The following PTCH1 variants were observed in gnomAD, a reference collection of about 807,000 sequenced individuals.
PTCH1 encodes patched 1, also known as protein patched homolog 1.
PTCH1 carries 14 observed loss-of-function variants against 144.6 expected under a neutral mutation model. The ratio of observed to expected loss-of-function variants is 0.10; its 90% CI spans 0.06 to 0.15. The LOEUF is 0.15. Ranked by LOEUF, PTCH1 falls within the 10% of genes least tolerant of loss-of-function variation. The pLI is 1.00. For missense variants in PTCH1, 1,623 were observed against 1,948.3 expected (o/e 0.83, Z 3.14); for synonymous variants, 833 against 793.6 (o/e 1.05, Z -0.83).
rs762290046 is a variant in PTCH1, at chr9:95,470,489, A to G, written c.1729-558T>C. On this transcript the variant is annotated intron_variant, in intron 12 of 23. Coordinates refer to ENST00000331920, the MANE Select transcript of PTCH1 (RefSeq NM_000264.5). ...TGAGAGCAAGAAACATAAAAGGTCA[A>G]GGAGAGTTAAGCAGAAAGAAATTCC... Among the ~76,000 whole-genome samples, 8 of 152,176 alleles carry G rather than the reference A, an allele frequency of 5.3e-5. 1 individual carries two copies. The highest frequency in any genetic ancestry group is 5.2e-4 in the Admixed American group (8 of 15,268).
rs1266520658 is a variant in PTCH1, at chr9:95,508,272, G to A, written c.90C>T (p.Gly30=). 3 of 1,569,020 alleles carry A rather than the reference G, an allele frequency of 1.9e-6. No homozygotes were observed. Among genetic ancestry groups the A allele is most frequent in the Non-Finnish European group, 2.6e-6 (3 of 1,160,864 alleles). ...GCCCCCCCGTCCGTCTGCGCCTCCC[G>A]CCTCCAGCCGGCCGTCCCGGGGCAC... ...CIGAPGRPAG[G]GRRRRTGGLR... Residue 30 remains glycine (G), a synonymous_variant, in exon 1 of 24, where the codon GGC becomes GGT. Coordinates refer to ENST00000331920, the MANE Select transcript of PTCH1 (RefSeq NM_000264.5).
rs943764786 is a variant in PTCH1 at position 95,508,668 on chromosome 9, G to A, written c.-307C>T. ...CGCTGCCCACATCCAGTTCGCGGAA[G>A]AGCGAGAGCCGGCGCGCCGAGCGAG... On this transcript the variant is annotated 5_prime_UTR_variant, in exon 1 of 24. Transcript: ENST00000331920. 76 of 987,686 alleles carry A rather than the reference G, an allele frequency of 7.7e-5. No individual in the cohort carries two copies. In the African/African-American group the frequency reaches 1.0e-3, roughly 14 times the overall value. 61.2% of individuals were successfully genotyped at this position (987,686 alleles called of 1,614,324 possible).
At chr9:95,454,984 T>G (rs1002236060) in intron 19 of PTCH1, among the ~76,000 whole-genome samples, 6 of 152,230 alleles carry the variant, frequency 3.9e-5, no homozygotes, top group Non-Finnish European at 8.8e-5. Flanking sequence ...AAATAACTTA[T>G]GGATTCTTAA....
intron 12 of PTCH1, among the ~76,000 whole-genome samples, chr9:95,471,646 C>T (rs1024735002): frequency 3.9e-5 from 6 of 152,138 alleles, no homozygotes; most frequent in African/African-American, 9.7e-5. Flanking sequence ...TGATGGATGG[C>T]GTCATGAAGG....
chr9:95,457,878 T>C (rs1839079908), intron 18 of PTCH1, 135 bp downstream of exon 18: 12 of 1,235,514 alleles, frequency 9.7e-6, no homozygotes, highest in Non-Finnish European at 1.4e-5. Context: ...CCACCTCGAG[T>C]AGAATAAACA....
intron 16 of PTCH1, 43 bp from the exon 17 acceptor site, chr9:95,459,826 G>C (rs1370800361): frequency 6.2e-7 from 1 of 1,602,522 alleles, no homozygotes; most frequent in Admixed American, 1.7e-5. Flanking sequence ...AATGGGGTTG[G>C]GGGTAAACAC....
Position 95,444,514 on chromosome 9 carries a change from C to T in PTCH1, c.*1879G>A, listed in dbSNP as rs1837721160. ...ACACACACACACGCACGCACGCACACACACACACACACACCCAGCAGCCAC... is the reference window on the plus strand; with the variant it reads ...ACACACACACACGCACGCACGCACATACACACACACACACCCAGCAGCCAC... On this transcript the variant is annotated 3_prime_UTR_variant, in exon 24 of 24. Transcript: ENST00000331920. The T allele has an allele frequency of 6.6e-6, 1 of 152,522 alleles. No individual in the cohort carries two copies. The highest frequency in any genetic ancestry group is 6.6e-5 in the Admixed American group (1 of 15,220). 9.4% of individuals were successfully genotyped at this position (152,522 alleles called of 1,614,324 possible).
chr9:95,481,914 G>T (rs1232204883), intron 5 of PTCH1, 35 bp downstream of exon 5: 1 of 1,529,212 alleles, frequency 6.5e-7, no homozygotes, highest in Admixed American at 1.7e-5. Context: ...TCCTAGAGAA[G>T]TCACAGACAT....
chr9:95,478,909 A>T, intron 8 of PTCH1, 91 bp downstream of exon 8: 1 of 1,579,482 alleles, frequency 6.3e-7, no homozygotes, highest in African/African-American at 1.3e-5. Context: ...TTTTGAAAAT[A>T]AAGCGAATGG....
intron 2 of PTCH1, among the ~76,000 whole-genome samples, chr9:95,496,737 C>T (rs1184632338): frequency 2.0e-5 from 3 of 151,904 alleles, no homozygotes; most frequent in Admixed American, 6.6e-5. Flanking sequence ...TCATTTTTTA[C>T]TTATTACAAC....
chr9:95,506,768 T>C (rs1443378784), intron 1 of PTCH1, 169 bp from the exon 2 acceptor site: 9 of 1,054,616 alleles, frequency 8.5e-6, no homozygotes, highest in Middle Eastern at 3.4e-4. Context: ...CTGAGCGTCA[T>C]GGGGGGCTCG....
chr9:95,512,010 AG>A (rs1844182385), upstream of PTCH1, among the ~76,000 whole-genome samples: 1 of 152,122 alleles, frequency 6.6e-6, no homozygotes, highest in African/African-American at 2.4e-5. Flanking sequence ...CTTTTACTAG[AG>A]GGATTTCAGT....
chr9:95,508,435 C>G lies in PTCH1; in HGVS notation c.-74G>C. On this transcript the variant is annotated 5_prime_UTR_variant, in exon 1 of 24. Coordinates refer to ENST00000331920, the MANE Select transcript of PTCH1 (RefSeq NM_000264.5). ...GCCCGGCGCGCTGCTGCCGCTGCTG[C>G]GGGCTCCTGGCGCGCCTGGGCGCTC... 1.9e-6 allele frequency: 2 copies of G among 1,038,144 alleles called. No homozygotes were observed. Among genetic ancestry groups the G allele is most frequent in the Non-Finnish European group, 2.3e-6 (2 of 865,750 alleles). 64.3% of individuals were successfully genotyped at this position (1,038,144 alleles called of 1,614,324 possible).
rs374349150 is a variant in PTCH1 at position 95,478,237 on chromosome 9, A to G, written c.1216-51T>C. The stretch of plus-strand genomic sequence containing the variant: ...GCCCAAATGCAATGAACACTTCCAC[A>G]AGCCTCGACAGCACAGATCTCAGGT... On this transcript the variant is annotated intron_variant, in intron 8 of 23. Coordinates refer to ENST00000331920, the MANE Select transcript of PTCH1 (RefSeq NM_000264.5). 36 of 1,612,638 alleles carry G rather than the reference A, an allele frequency of 2.2e-5. No homozygotes were observed. The African/African-American group carries it at 3.9e-4, about 17-fold the overall frequency.
intron 16 of PTCH1, among the ~76,000 whole-genome samples, chr9:95,460,228 C>G (rs1234621317): frequency 6.6e-6 from 1 of 152,218 alleles, no homozygotes. Flanking sequence ...AATAAAACAA[C>G]ATCTGTATAA....
intron 2 of PTCH1, among the ~76,000 whole-genome samples, chr9:95,501,539 TAA>T (rs35918689): frequency 1.1e-4 from 16 of 145,454 alleles, no homozygotes; most frequent in African/African-American, 3.8e-4. Flanking sequence ...CTATTTTTCT[TAA>T]AAAAAAAAAA....
chr9:95,508,001 A>G, intron 1 of PTCH1, 160 bp downstream of exon 1: 3 of 1,516,392 alleles, frequency 2.0e-6, no homozygotes, highest in Admixed American at 2.0e-5. Context: ...GAATTTTTCA[A>G]TCCCCATTTG....
At chr9:95,512,471 T>G (rs904510421), upstream of PTCH1, among the ~76,000 whole-genome samples, 3 of 151,244 alleles carry the variant, frequency 2.0e-5, no homozygotes, top group African/African-American at 7.3e-5. Context: ...TCTGTAACGT[T>G]TTAAGAAAGG....
chr9:95,459,734 G>T lies in PTCH1; in HGVS notation c.2753C>A (p.Ala918Asp). Residue 918 changes from alanine (A) to aspartate (D), a missense_variant, in exon 17 of 24, where the codon GCT becomes GAT. Physicochemically the swap from Ala to Asp is moderately radical, Grantham distance 126. Around this residue, in one of 7 missense-constraint regions of PTCH1, gnomAD observed 504 missense variants for 679.3 expected, o/e 0.74. Coordinates refer to ENST00000331920, the MANE Select transcript of PTCH1 (RefSeq NM_000264.5). ...CCAAGCCGTCAGGTAGATGTAGAAAGCGCTGGGATTAATGATGCCATCTGC... is the reference window on the plus strand; with the variant it reads ...CCAAGCCGTCAGGTAGATGTAGAAATCGCTGGGATTAATGATGCCATCTGC... ...VDADGIINPS[A>D]FYIYLTAWVS... The T allele has an allele frequency of 6.2e-7, 1 of 1,614,222 alleles. No individual in the cohort carries two copies. The highest frequency in any genetic ancestry group is 8.5e-7 in the Non-Finnish European group (1 of 1,180,042).
Sources: allele counts gnomAD v4.1 joint callset (sites outside exome capture counted in the v4.1 genomes callset), GRCh38; gene constraint gnomAD v4.1.1; regional missense constraint gnomAD v4.1.1; transcripts MANE v1.5; gene names NCBI Gene and HGNC (gene_info 2026-07-23, HGNC 2026-07-21).